The following ANO4 variants were observed in gnomAD, a reference collection of about 807,000 sequenced individuals.
ANO4 encodes the protein anoctamin 4.
Under a neutral mutation model 141.9 loss-of-function variants are expected in ANO4, and 69 were observed. The observed-to-expected ratio is 0.49, with a 90% CI of 0.40 to 0.59. The LOEUF (loss-of-function observed/expected upper bound fraction) is 0.59, where lower values mean the gene tolerates loss of function less well. Among genes scored for constraint, ANO4 ranks in the 20% least tolerant of loss-of-function variants. The pLI is 0.00. For missense variants in ANO4, 894 were observed against 1,162.2 expected (o/e 0.77, Z 3.36); for synonymous variants, 350 against 394.3 (o/e 0.89, Z 1.33).
intron 6 of ANO4, 149 bp downstream of exon 6, chr12:100,971,555 C>A (rs2043935739): frequency 2.0e-6 from 1 of 489,874 alleles, no homozygotes; most frequent in Non-Finnish European, 3.5e-6. Context: ...GCAAATAAGC[C>A]TTCATGGCCA....
At chr12:100,805,275 T>C (rs1186712923) in intron 1 of ANO4, among the ~76,000 whole-genome samples, 1 of 152,188 alleles carries the variant, frequency 6.6e-6, no homozygotes, top group African/African-American at 2.4e-5. Context: ...TGTGGTCTTA[T>C]TTCTGAGTTC....
chr12:101,017,620 A>C (rs34163830), intron 8 of ANO4, among the ~76,000 whole-genome samples: 45,946 of 152,126 alleles, frequency 0.3, 7,568 homozygotes, highest in Non-Finnish European at 0.38. Flanking sequence ...GCTGGCAGAC[A>C]GAGGCAAGCG....
intron 1 of ANO4, among the ~76,000 whole-genome samples, chr12:100,855,162 G>C (rs1051168326): frequency 6.6e-6 from 1 of 152,066 alleles, no homozygotes; most frequent in Non-Finnish European, 1.5e-5. Flanking sequence ...GCTTGGCTTT[G>C]TAATGCTTTC....
chr12:100,887,569 C>T (rs1490726765), intron 1 of ANO4, among the ~76,000 whole-genome samples: 1 of 151,760 alleles, frequency 6.6e-6, no homozygotes, highest in Non-Finnish European at 1.5e-5. Context: ...TCATGTCCTC[C>T]TGCGAAGTGC....
At position 100,884,937 on chromosome 12, in the gene ANO4, C is replaced by T. The variant is rs143981797; in HGVS notation, c.-140-16709C>T. Among the ~76,000 whole-genome samples the T allele has an allele frequency of 6.9e-3, 1,048 of 152,310 alleles. 17 individuals carry two copies. The highest frequency in any genetic ancestry group is 0.024 in the African/African-American group (1,003 of 41,572). ...CTTGAACTCCTGACCTCAGGTGATCCGCCCGCCTTGGCCTCCCAGAATACT... is the reference window on the plus strand; with the variant it reads ...CTTGAACTCCTGACCTCAGGTGATCTGCCCGCCTTGGCCTCCCAGAATACT... On this transcript the variant is annotated intron_variant, in intron 1 of 27. Transcript: ENST00000392977.
chr12:100,804,705 A>T (rs2034900231), intron 1 of ANO4, among the ~76,000 whole-genome samples: 1 of 152,190 alleles, frequency 6.6e-6, no homozygotes. Context: ...ATGATCAGCG[A>T]TGCTGAGTTT....
intron 3 of ANO4, among the ~76,000 whole-genome samples, chr12:100,934,199 T>A (rs183676911): frequency 6.6e-6 from 1 of 152,318 alleles, no homozygotes; most frequent in African/African-American, 2.4e-5. Flanking sequence ...TAGTATTGCC[T>A]AGGTTTTCTT....
At chr12:101,113,057 A>T (rs1357548100) in intron 24 of ANO4, among the ~76,000 whole-genome samples, 1 of 152,156 alleles carries the variant, frequency 6.6e-6, no homozygotes, top group African/African-American at 2.4e-5. Context: ...TGGGAGTGGG[A>T]TGTGCATTAT....
At chr12:100,758,682 G>A (rs985460178) in intron 3 of ANO4, among the ~76,000 whole-genome samples, 1 of 152,192 alleles carries the variant, frequency 6.6e-6, no homozygotes, top group African/African-American at 2.4e-5. Context: ...CGCCACAACA[G>A]AGGACCACAA....
At chr12:100,936,442 C>T (rs1400597210) in intron 3 of ANO4, among the ~76,000 whole-genome samples, 1 of 152,124 alleles carries the variant, frequency 6.6e-6, no homozygotes, top group Non-Finnish European at 1.5e-5. Context: ...GTCTGGGAGA[C>T]AAAACTGGTC....
At chr12:100,825,797 A>C (rs1004936449) in intron 1 of ANO4, among the ~76,000 whole-genome samples, 1 of 152,052 alleles carries the variant, frequency 6.6e-6, no homozygotes, top group Non-Finnish European at 1.5e-5. Flanking sequence ...AGCTTTTACA[A>C]AGGGAATTAT....
chr12:101,098,523 C>T (rs1445289531), intron 21 of ANO4, among the ~76,000 whole-genome samples: 1 of 152,166 alleles, frequency 6.6e-6, no homozygotes, highest in African/African-American at 2.4e-5. Context: ...CTCAAGGTTT[C>T]AGGGAGGACC....
At chr12:100,796,569 T>C (rs2135639036) in intron 1 of ANO4, among the ~76,000 whole-genome samples, 1 of 152,206 alleles carries the variant, frequency 6.6e-6, no homozygotes, top group East Asian at 1.9e-4. Flanking sequence ...AACAAGAATT[T>C]GTAGATGTTT....
At chr12:100,978,374 G>A (rs1434792326) in intron 7 of ANO4, among the ~76,000 whole-genome samples, 1 of 152,126 alleles carries the variant, frequency 6.6e-6, no homozygotes, top group East Asian at 1.9e-4. Context: ...GGACAATAAG[G>A]GCTTAAAAGA....
At chr12:101,061,906 C>T (rs2048362455) in intron 14 of ANO4, among the ~76,000 whole-genome samples, 11 of 152,064 alleles carry the variant, frequency 7.2e-5, no homozygotes, top group Admixed American at 7.2e-4. Context: ...CATTCTCCAT[C>T]CAGTTTTGTT....
intron 14 of ANO4, among the ~76,000 whole-genome samples, chr12:101,059,353 G>A (rs2048254355): frequency 6.6e-6 from 1 of 152,180 alleles, no homozygotes. Context: ...CTAGGTTTTG[G>A]TATCAGGATG....
chr12:100,933,737 G>A (rs1307740237), intron 3 of ANO4, among the ~76,000 whole-genome samples: 5 of 152,328 alleles, frequency 3.3e-5, no homozygotes, highest in African/African-American at 1.2e-4. Flanking sequence ...CACCAACAAT[G>A]TAAAAGCATT....
chr12:100,738,510 A>G (rs543523859), intron 2 of ANO4, among the ~76,000 whole-genome samples: 76 of 152,312 alleles, frequency 5.0e-4, no homozygotes, highest in African/African-American at 1.7e-3. Context: ...TGTGTGAACT[A>G]TATTTTTTCA....
intron 1 of ANO4, among the ~76,000 whole-genome samples, chr12:100,849,493 C>CA (rs1285073453): frequency 1.3e-5 from 2 of 152,146 alleles, no homozygotes; most frequent in Non-Finnish European, 2.9e-5. Flanking sequence ...ACATAGGCTG[C>CA]AGGCTGTCTG....
Sources: allele counts gnomAD v4.1 joint callset (sites outside exome capture counted in the v4.1 genomes callset), GRCh38; gene constraint gnomAD v4.1.1; transcripts MANE v1.5; gene names NCBI Gene and HGNC (gene_info 2026-07-23, HGNC 2026-07-21).